CCDC57: variants seen among roughly 807,000 people sequenced by gnomAD.
CCDC57 encodes the protein coiled-coil domain containing 57.
CCDC57 carries 118 observed loss-of-function variants against 118.9 expected under a neutral mutation model. The ratio of observed to expected loss-of-function variants is 0.99; its 90% CI spans 0.86 to 1.16. The LOEUF is 1.16. Ranked by LOEUF, CCDC57 falls within the 50% of genes most tolerant of loss-of-function variation. CCDC57 has a pLI of 0.00. For synonymous variants in CCDC57, 527 were observed against 532.9 expected (o/e 0.99, Z 0.15); for missense variants, 1,300 against 1,320.7 (o/e 0.98, Z 0.24).
At chr17:82,198,807 G>A (rs944875200) in intron 3 of CCDC57, among the ~76,000 whole-genome samples, 4 of 151,736 alleles carry the variant, frequency 2.6e-5, no homozygotes, top group East Asian at 1.9e-4. Flanking sequence ...TGGCTAACAC[G>A]GTGAAACCCC....
chr17:82,107,258 G>GT, intron 19 of CCDC57: 1 of 382,250 alleles, frequency 2.6e-6, no homozygotes, highest in Non-Finnish European at 5.3e-6. Flanking sequence ...GGATCCCAGG[G>GT]TTTTTGGTTC....
chr17:82,178,001 C>T (rs1380704498), intron 11 of CCDC57, among the ~76,000 whole-genome samples: 1 of 152,208 alleles, frequency 6.6e-6, no homozygotes, highest in Non-Finnish European at 1.5e-5. Context: ...CTCAGACAAG[C>T]TCCTCAGTGT....
intron 19 of CCDC57, chr17:82,104,654 T>G (rs2034711301): frequency 6.6e-6 from 1 of 152,300 alleles, no homozygotes. Flanking sequence ...TTCTCCTGCC[T>G]CAGCCTCCCG....
At chr17:82,150,820 C>T (rs78215811) in intron 16 of CCDC57, among the ~76,000 whole-genome samples, 6,075 of 59,544 alleles carry the variant, frequency 0.1, 276 homozygotes, top group East Asian at 0.39. Flanking sequence ...CAGAACCAGG[C>T]GCACACTCAG....
chr17:82,122,967 T>G (rs1406901281), intron 19 of CCDC57, among the ~76,000 whole-genome samples: 1 of 152,154 alleles, frequency 6.6e-6, no homozygotes, highest in Non-Finnish European at 1.5e-5. Flanking sequence ...CGGGAAGGAT[T>G]GAATGAAAAT....
intron 16 of CCDC57, among the ~76,000 whole-genome samples, chr17:82,138,056 G>C (rs2039469286): frequency 6.6e-6 from 1 of 151,412 alleles, no homozygotes; most frequent in South Asian, 2.1e-4. Flanking sequence ...CTTATAAAAA[G>C]AGAGGTATTT....
rs2046668627 is a variant in CCDC57 at position 82,184,293 on chromosome 17, A to G, written c.1053-361T>C. On this transcript the variant is annotated intron_variant, in intron 8 of 19. Coordinates refer to ENST00000665763, the Ensembl canonical transcript of CCDC57. ...TGCCTCCCATGCCCACAGAGCCCAC[A>G]GTCATGAGGTAGCAACACCTCTGAC... is the stretch of plus-strand genomic sequence containing the variant. Among the ~76,000 whole-genome samples, 3 of 151,940 alleles carry G rather than the reference A, an allele frequency of 2.0e-5. 1 individual carries two copies. In the South Asian group the frequency reaches 6.2e-4, roughly 32 times the overall value.
intron 16 of CCDC57, among the ~76,000 whole-genome samples, chr17:82,150,296 GGT>G (rs2041761342): frequency 7.0e-6 from 1 of 143,724 alleles, no homozygotes; most frequent in Non-Finnish European, 1.5e-5. Flanking sequence ...CCCAGAACCT[GGT>G]GCACACCCAG....
At chr17:82,102,005 TC>T in intron 19 of CCDC57, 139 bp from the exon 19 acceptor site, 1 of 833,042 alleles carries the variant, frequency 1.2e-6, no homozygotes, top group South Asian at 2.1e-5. Flanking sequence ...CTGGCTTTCC[TC>T]CAGGAGTCCG....
intron 19 of CCDC57, among the ~76,000 whole-genome samples, chr17:82,124,892 G>A (rs1222175219): frequency 2.0e-5 from 3 of 152,158 alleles, no homozygotes; most frequent in Non-Finnish European, 4.4e-5. Context: ...GAATGAACAC[G>A]AACGTCTCCA....
intron 14 of CCDC57, among the ~76,000 whole-genome samples, chr17:82,158,530 T>TA (rs1448704105): frequency 2.0e-5 from 3 of 150,798 alleles, no homozygotes; most frequent in Non-Finnish European, 4.4e-5. Context: ...TACTAAAAAA[T>TA]AAAAAAAATT....
In CCDC57 at chr17:82,149,257, A is replaced by G. The variant is rs1313732730; in HGVS notation, c.2455+2303T>C. ...GATGGGTAGATGGATGGATGGATGG[A>G]TGGGGGGGGTGGGTGAATGGATGGA... On this transcript the variant is annotated intron_variant, in intron 16 of 19. Transcript: ENST00000665763. 6.3e-4 allele frequency among the ~76,000 whole-genome samples: 34 copies of G among 54,386 alleles called. 1 individual carries two copies. In the South Asian group the frequency reaches 0.021, roughly 33 times the overall value. 35.7% of individuals were successfully genotyped at this position (54,386 alleles called of 152,430 possible). A position where few individuals can be genotyped will look rare whatever the true frequency, so the allele number is the denominator to read the frequency against.
At chr17:82,176,572 T>TG (rs1209001242) in intron 11 of CCDC57, among the ~76,000 whole-genome samples, 1 of 152,164 alleles carries the variant, frequency 6.6e-6, no homozygotes, top group Non-Finnish European at 1.5e-5. Flanking sequence ...ATAAACAGTG[T>TG]GGGCTCCCAG....
At chr17:82,187,844 C>T (rs1410715331) in intron 8 of CCDC57, among the ~76,000 whole-genome samples, 1 of 147,250 alleles carries the variant, frequency 6.8e-6, no homozygotes, top group Non-Finnish European at 1.5e-5. Context: ...GTGGGGGAGG[C>T]GTTGGTGTGT....
At position 82,118,825 on chromosome 17, in the gene CCDC57, C is replaced by G. The variant is rs544363225; in HGVS notation, c.2899+8867G>C. ...CAGGTAAAAACACTACCTTAGAAAT[C>G]TGTGATTTCTTCACCCGTATCTAAG... On this transcript the variant is annotated intron_variant, in intron 19 of 19. Transcript: ENST00000665763. The surrounding 1 kb of genome is among the most constrained non-coding windows in gnomAD (Gnocchi z 4.7). Among the ~76,000 whole-genome samples, 2 of 152,108 alleles carry G rather than the reference C, an allele frequency of 1.3e-5. No individual in the cohort carries two copies. The highest frequency in any genetic ancestry group is 4.1e-4 in the South Asian group (2 of 4,824).
chr17:82,151,055 CCG>C (rs2041938450), intron 16 of CCDC57, among the ~76,000 whole-genome samples: 1 of 93,140 alleles, frequency 1.1e-5, no homozygotes, highest in Non-Finnish European at 2.1e-5. Context: ...AGAACCTGAC[CCG>C]CACCCAGAAC....
chr17:82,180,561 C>T (rs914976911), intron 9 of CCDC57, among the ~76,000 whole-genome samples: 3 of 152,256 alleles, frequency 2.0e-5, no homozygotes, highest in African/African-American at 7.2e-5. Flanking sequence ...GTACAGCCTC[C>T]ACCTCCTGGG....
intron 3 of CCDC57, among the ~76,000 whole-genome samples, chr17:82,200,321 C>T (rs116611176): frequency 0.016 from 2,372 of 152,326 alleles, 69 homozygotes; most frequent in African/African-American, 0.055. Flanking sequence ...AAGTGCTGGA[C>T]GCACATTTCG....
At position 82,170,471 on chromosome 17, in the gene CCDC57, G is replaced by A. The variant is rs557880539; in HGVS notation, c.1882+1230C>T. ...TGCAATGAGCCAAAATCATGCCACT[G>A]CACTCCACCCTGGGCAACAGAGCAA... On this transcript the variant is annotated intron_variant, in intron 13 of 19. Transcript: ENST00000665763. Among the ~76,000 whole-genome samples the A allele has an allele frequency of 9.6e-4, 139 of 144,932 alleles. 2 individuals are homozygous for A. In the South Asian group the frequency reaches 0.03, roughly 31 times the overall value.
Sources: allele counts gnomAD v4.1 joint callset (sites outside exome capture counted in the v4.1 genomes callset), GRCh38; gene constraint gnomAD v4.1.1; non-coding constraint Gnocchi (gnomAD v3.1); transcripts MANE v1.5; gene names NCBI Gene and HGNC (gene_info 2026-07-23, HGNC 2026-07-21).